Variants in NRXN1 observed in about 807,000 individuals in gnomAD.
The protein encoded by NRXN1 is neurexin 1, also known as neurexin-1.
Under a neutral mutation model 150.9 loss-of-function variants are expected in NRXN1, and 39 were observed. That is an observed-to-expected ratio of 0.26 (90% CI 0.20 to 0.34). NRXN1 has a LOEUF of 0.34. Ranked by LOEUF, NRXN1 falls within the 10% of genes least tolerant of loss-of-function variation. NRXN1 has a pLI of 1.00. For synonymous variants in NRXN1, 924 were observed against 757.0 expected (o/e 1.22, Z -3.62); for missense variants, 1,815 against 1,949.9 (o/e 0.93, Z 1.30).
At chr2:50,538,008 G>A (rs925783108) in intron 10 of NRXN1, among the ~76,000 whole-genome samples, 1 of 152,154 alleles carries the variant, frequency 6.6e-6, no homozygotes, top group Non-Finnish European at 1.5e-5. Flanking sequence ...TACTCTAGAG[G>A]ATACTAAAGA....
chr2:49,949,669 AAC>A (rs1425079342), intron 21 of NRXN1, among the ~76,000 whole-genome samples: 3 of 144,328 alleles, frequency 2.1e-5, no homozygotes, highest in Non-Finnish European at 2.9e-5. Context: ...TCTAAACAGC[AAC>A]AGTGTATCCT....
intron 17 of NRXN1, among the ~76,000 whole-genome samples, chr2:50,248,579 G>A (rs772453578): frequency 1.2e-4 from 19 of 152,290 alleles, no homozygotes; most frequent in South Asian, 4.1e-4. Context: ...TGCCTAAGTA[G>A]AGTAGTCAAC....
At chr2:50,227,164 A>G (rs1211696909) in intron 18 of NRXN1, among the ~76,000 whole-genome samples, 145 of 38,358 alleles carry the variant, frequency 3.8e-3, no homozygotes, top group African/African-American at 0.015. Context: ...AAAGACGGGA[A>G]AAAAAAAAAA....
In NRXN1 at chr2:50,183,842, A is replaced by G. The variant is rs2060897100; in HGVS notation, c.3546+52947T>C. On this transcript the variant is annotated intron_variant, in intron 18 of 22. Transcript: ENST00000401669. Reference sequence around the variant, plus strand: ...GGATTTAGATTAAAGATTAGTTTGCATTTACAGACTTTCTAAACCATGGTT... The same window carrying G: ...GGATTTAGATTAAAGATTAGTTTGCGTTTACAGACTTTCTAAACCATGGTT... Among the ~76,000 whole-genome samples the G allele has an allele frequency of 2.0e-5, 3 of 152,008 alleles. No homozygotes were observed. In the South Asian group the frequency reaches 6.2e-4, roughly 32 times the overall value.
chr2:50,526,729 G>A (rs1039067160), intron 12 of NRXN1: 4 of 152,188 alleles, frequency 2.6e-5, no homozygotes, highest in Non-Finnish European at 5.9e-5. Flanking sequence ...GTTCTTTCCA[G>A]TGACTGCTGT....
chr2:50,761,385 A>G (rs1194343394), intron 5 of NRXN1, among the ~76,000 whole-genome samples: 4 of 151,788 alleles, frequency 2.6e-5, no homozygotes, highest in Non-Finnish European at 5.9e-5. Flanking sequence ...ATAGGGAATA[A>G]GTCTCATGAG....
intron 18 of NRXN1, among the ~76,000 whole-genome samples, chr2:50,183,952 G>A (rs1388666614): frequency 1.3e-5 from 2 of 151,878 alleles, no homozygotes; most frequent in Non-Finnish European, 1.5e-5. Flanking sequence ...TCCTTAGCTC[G>A]AAATTATAGC....
intron 5 of NRXN1, among the ~76,000 whole-genome samples, chr2:50,814,795 G>A (rs747335762): frequency 4.6e-5 from 7 of 151,986 alleles, no homozygotes; most frequent in African/African-American, 7.3e-5. Context: ...ATTATATTTT[G>A]AGCAGAATTA....
intron 17 of NRXN1, among the ~76,000 whole-genome samples, chr2:50,285,080 G>A (rs956528902): frequency 2.6e-5 from 4 of 152,068 alleles, no homozygotes; most frequent in Non-Finnish European, 4.4e-5. Flanking sequence ...AATGAGTGAT[G>A]GCAGTTGTAG....
chr2:50,867,661 G>A (rs1353616542), intron 5 of NRXN1, among the ~76,000 whole-genome samples: 1 of 151,460 alleles, frequency 6.6e-6, no homozygotes, highest in African/African-American at 2.4e-5. Context: ...AAGCTAATAT[G>A]TAAGTATGGC....
intron 17 of NRXN1, among the ~76,000 whole-genome samples, chr2:50,383,456 A>G (rs1220218938): frequency 6.6e-6 from 1 of 152,214 alleles, no homozygotes; most frequent in Non-Finnish European, 1.5e-5. Flanking sequence ...ACAAAAAAAA[A>G]TTCTTTTAAA....
chr2:50,464,504 A>T (rs988887576), intron 17 of NRXN1: 2 of 151,972 alleles, frequency 1.3e-5, no homozygotes, highest in Non-Finnish European at 1.5e-5. Flanking sequence ...GTCAAAATGA[A>T]CAAGCTCTAC....
At chr2:50,759,611 A>C (rs996286102) in intron 5 of NRXN1, among the ~76,000 whole-genome samples, 1 of 151,924 alleles carries the variant, frequency 6.6e-6, no homozygotes, top group Non-Finnish European at 1.5e-5. Context: ...AGCGCAAGAC[A>C]TAAGTTATTA....
At chr2:50,495,594 T>C (rs1335793520) in intron 15 of NRXN1, among the ~76,000 whole-genome samples, 2 of 152,106 alleles carry the variant, frequency 1.3e-5, no homozygotes, top group African/African-American at 4.8e-5. Flanking sequence ...TTGAAAACTG[T>C]TGGGACTTAA....
rs78851681 is a variant in NRXN1, at chr2:50,189,871, C to T, written c.3546+46918G>A. ...TAATTTGGTTGAGTCTCATTCTGAA[C>T]TCCTTCATGCTATACAGTTTGCACA... On this transcript the variant is annotated intron_variant, in intron 18 of 22. Coordinates refer to ENST00000401669, the MANE Select transcript of NRXN1 (RefSeq NM_001330078.2). Among the ~76,000 whole-genome samples the T allele has an allele frequency of 2.0e-5, 3 of 152,248 alleles. No homozygotes were observed. In the East Asian group the frequency reaches 5.8e-4, roughly 29 times the overall value.
intron 17 of NRXN1, among the ~76,000 whole-genome samples, chr2:50,422,960 C>T (rs2084116696): frequency 6.6e-6 from 1 of 152,144 alleles, no homozygotes; most frequent in African/African-American, 2.4e-5. Flanking sequence ...TCACTTTTAA[C>T]CCACCACATT....
chr2:50,242,453 G>A (rs750853747), intron 17 of NRXN1, among the ~76,000 whole-genome samples: 7 of 151,754 alleles, frequency 4.6e-5, no homozygotes, highest in Non-Finnish European at 8.8e-5. Context: ...ATTATTGTAA[G>A]TTCTTTGTAG....
chr2:50,366,930 G>A (rs2079621919), intron 17 of NRXN1, among the ~76,000 whole-genome samples: 1 of 151,950 alleles, frequency 6.6e-6, no homozygotes. Context: ...TCCTATATAA[G>A]TCAGGTCTTC....
chr2:50,281,271 C>A (rs1344073816), intron 17 of NRXN1, among the ~76,000 whole-genome samples: 1 of 151,500 alleles, frequency 6.6e-6, no homozygotes, highest in Non-Finnish European at 1.5e-5. Flanking sequence ...GAGCCGAGAT[C>A]GCGCCGCTGC....
Sources: gnomAD v4.1 joint callset for allele counts (sites outside exome capture counted in the v4.1 genomes callset) on GRCh38, gnomAD v4.1.1 for gene constraint, MANE v1.5 for transcripts, NCBI Gene and HGNC (gene_info 2026-07-23, HGNC 2026-07-21) for gene names.